Variants in MYT1L observed in about 807,000 individuals in gnomAD.
MYT1L encodes myelin transcription factor 1-like protein.
In MYT1L, 12 loss-of-function variants were observed where a neutral mutation model predicts 126.7. The ratio of observed to expected loss-of-function variants is 0.09; its 90% CI spans 0.06 to 0.15. The LOEUF (loss-of-function observed/expected upper bound fraction) is 0.15. Ranked by LOEUF, MYT1L falls within the 10% of genes least tolerant of loss-of-function variation. MYT1L has a pLI of 1.00. For missense variants in MYT1L, 979 were observed against 1,585.2 expected (o/e 0.62, Z 6.49); for synonymous variants, 541 against 604.2 (o/e 0.90, Z 1.53).
chr2:2,062,602 C>T (rs1287186522), intron 3 of MYT1L, among the ~76,000 whole-genome samples: 9 of 152,298 alleles, frequency 5.9e-5, no homozygotes, highest in Admixed American at 2.0e-4. Flanking sequence ...CATAATCCCA[C>T]GCTTCCTATG....
intron 3 of MYT1L, among the ~76,000 whole-genome samples, chr2:2,091,117 G>C (rs986260233): frequency 1.3e-5 from 2 of 152,168 alleles, no homozygotes; most frequent in African/African-American, 4.8e-5. Flanking sequence ...CACCAATTGT[G>C]AATTCTTTCC....
chr2:2,125,982 G>C (rs1466094302), intron 3 of MYT1L, among the ~76,000 whole-genome samples: 14 of 152,202 alleles, frequency 9.2e-5, no homozygotes, highest in Admixed American at 9.2e-4. Flanking sequence ...GGAGCACACT[G>C]TTTCATTCTC....
intron 4 of MYT1L, among the ~76,000 whole-genome samples, chr2:2,030,767 T>C (rs1432117201): frequency 6.6e-6 from 1 of 152,220 alleles, no homozygotes; most frequent in African/African-American, 2.4e-5. Flanking sequence ...TGACAAGGAA[T>C]TATGTCTCAG....
chr2:2,164,005 C>T (rs1257829502), intron 3 of MYT1L, among the ~76,000 whole-genome samples: 1 of 152,050 alleles, frequency 6.6e-6, no homozygotes, highest in African/African-American at 2.4e-5. Context: ...TCAATATCAT[C>T]CCCTACAGCA....
In MYT1L at chr2:1,915,407, C is replaced by T. The variant is rs544480336; in HGVS notation, c.1618+1798G>A. ...GGCCCTGGGAGGCACCTGCAGCCGG[C>T]GCGAAGGGCACCTTGCCAGTCCCAC... is the stretch of plus-strand genomic sequence containing the variant. On this transcript the variant is annotated intron_variant, in intron 11 of 24. Transcript: ENST00000647738. Among the ~76,000 whole-genome samples the T allele has an allele frequency of 3.9e-5, 6 of 152,222 alleles. No homozygotes were observed. In the South Asian group the frequency reaches 6.2e-4, roughly 16 times the overall value.
intron 18 of MYT1L, among the ~76,000 whole-genome samples, chr2:1,861,058 G>C (rs2044528487): frequency 6.6e-6 from 1 of 152,200 alleles, no homozygotes; most frequent in Non-Finnish European, 1.5e-5. Flanking sequence ...GGCGACAATG[G>C]CCAAAAACTC....
At chr2:2,075,616 C>T (rs376236656) in intron 3 of MYT1L, among the ~76,000 whole-genome samples, 56 of 152,118 alleles carry the variant, frequency 3.7e-4, no homozygotes, top group African/African-American at 1.3e-3. Context: ...GAGGGATGAA[C>T]AAAACTTTGC....
chr2:2,306,320 T>A (rs951622985), intron 1 of MYT1L, among the ~76,000 whole-genome samples: 1 of 152,162 alleles, frequency 6.6e-6, no homozygotes, highest in Non-Finnish European at 1.5e-5. Flanking sequence ...GCACAACTAT[T>A]GTTTTTTAAG....
At chr2:1,875,329 G>T (rs1283326893) in intron 18 of MYT1L, among the ~76,000 whole-genome samples, 5 of 152,176 alleles carry the variant, frequency 3.3e-5, no homozygotes, top group African/African-American at 9.7e-5. Flanking sequence ...AAACAGGGAG[G>T]CCAAGGAAGT....
intron 2 of MYT1L, among the ~76,000 whole-genome samples, chr2:2,186,248 A>G (rs112930249): frequency 4.0e-4 from 43 of 108,070 alleles, no homozygotes; most frequent in East Asian, 9.7e-4. Flanking sequence ...GGACGCAGCC[A>G]GGCCTTCCGG....
chr2:1,929,851 C>T lies in MYT1L; in HGVS notation c.506-6588G>A, dbSNP rs1339896039. ...GCCATTCATACTCCTTCCACAGGGA[C>T]GAGTCTAGAATTGCCATCTTGGTTT... On this transcript the variant is annotated intron_variant, in intron 9 of 24. Coordinates refer to ENST00000647738, the MANE Select transcript of MYT1L (RefSeq NM_001303052.2). This position sits in a 1 kb window ranked among gnomAD's most constrained non-coding sequence, Gnocchi z 4.7. Among the ~76,000 whole-genome samples, 1 of 152,194 alleles carries T rather than the reference C, an allele frequency of 6.6e-6. No individual in the cohort carries two copies. The highest frequency in any genetic ancestry group is 2.4e-5 in the African/African-American group (1 of 41,442).
chr2:1,836,514 AT>A (rs2040913065), intron 21 of MYT1L, among the ~76,000 whole-genome samples: 1 of 147,668 alleles, frequency 6.8e-6, no homozygotes, highest in Non-Finnish European at 1.5e-5. Flanking sequence ...CCTGCACCCA[AT>A]ATTCCATCAG....
At chr2:2,031,034 T>C (rs554236414) in intron 4 of MYT1L, among the ~76,000 whole-genome samples, 66 of 152,366 alleles carry the variant, frequency 4.3e-4, no homozygotes, top group Non-Finnish European at 1.8e-4. Context: ...TCTGAAATTA[T>C]GCACCCTTCA....
Position 1,967,381 on chromosome 2 carries a change from T to A in MYT1L, c.152+11784A>T, listed in dbSNP as rs1574067945. On this transcript the variant is annotated intron_variant, in intron 8 of 24. Transcript: ENST00000647738. ...CACCTGGCCTGTCCAGGCTTCAGAG[T>A]TCCCTGCATTTGGGGATGTACCCAG... Among the ~76,000 whole-genome samples the A allele has an allele frequency of 2.0e-5, 3 of 152,170 alleles. No homozygotes were observed. The East Asian group carries it at 5.8e-4, about 30-fold the overall frequency.
intron 1 of MYT1L, among the ~76,000 whole-genome samples, chr2:2,302,669 A>G (rs2095802252): frequency 6.6e-6 from 1 of 152,210 alleles, no homozygotes; most frequent in Non-Finnish European, 1.5e-5. Flanking sequence ...GGGATCGAAC[A>G]AAAAGTGGAA....
At chr2:2,301,365 C>T (rs2095781911) in intron 1 of MYT1L, among the ~76,000 whole-genome samples, 1 of 152,154 alleles carries the variant, frequency 6.6e-6, no homozygotes, top group Non-Finnish European at 1.5e-5. Flanking sequence ...AGTTCACATA[C>T]GTAGGTAGAC....
Position 1,886,426 on chromosome 2 carries a change from C to A in MYT1L, c.2711+113G>T, listed in dbSNP as rs1558276891. ...ATGTCTACATCAAGGCACTGGGGTG[C>A]ACAGGCCATGTTTTTTAACAGACAT... On this transcript the variant is annotated intron_variant, in intron 18 of 24. Transcript: ENST00000647738. 6.9e-6 allele frequency: 5 copies of A among 721,014 alleles called. 1 individual carries two copies. Among genetic ancestry groups the A allele is most frequent in the Non-Finnish European group, 8.5e-6 (4 of 470,780 alleles). The allele number at this position is 721,014 out of a possible 1,614,324, so 44.7% of individuals were successfully genotyped here.
In MYT1L at chr2:2,088,340, C is replaced by A. The variant is rs924367360; in HGVS notation, c.-303-34217G>T. Among the ~76,000 whole-genome samples, 8 of 152,344 alleles carry A rather than the reference C, an allele frequency of 5.3e-5. No homozygotes were observed. In the East Asian group the frequency reaches 1.4e-3, roughly 26 times the overall value. On this transcript the variant is annotated intron_variant, in intron 3 of 24. Coordinates refer to ENST00000647738, the MANE Select transcript of MYT1L (RefSeq NM_001303052.2). ...TTCTCCTCCATGGAAATGTCACACA[C>A]AGAACCAGAAGCCTGAGGAATTCAG... is the stretch of plus-strand genomic sequence containing the variant.
At chr2:2,278,824 AT>A in intron 2 of MYT1L, among the ~76,000 whole-genome samples, 1 of 152,324 alleles carries the variant, frequency 6.6e-6, no homozygotes. Context: ...GTGGTGAACT[AT>A]GAAGGGATAA....
Sources: allele counts gnomAD v4.1 joint callset (sites outside exome capture counted in the v4.1 genomes callset), GRCh38; gene constraint gnomAD v4.1.1; non-coding constraint Gnocchi (gnomAD v3.1); transcripts MANE v1.5; gene names NCBI Gene and HGNC (gene_info 2026-07-23, HGNC 2026-07-21).